Variants in KIF5C observed in about 807,000 individuals in gnomAD.
The protein encoded by KIF5C is kinesin heavy chain isoform 5C.
In KIF5C, 18 loss-of-function variants were observed where a neutral mutation model predicts 125.2. The observed-to-expected ratio is 0.14, with a 90% CI of 0.10 to 0.21. The LOEUF is 0.21. Ranked by LOEUF, KIF5C falls within the 10% of genes least tolerant of loss-of-function variation. The probability of loss-of-function intolerance (pLI) is 1.00; values close to 1 mark genes in which losing one functional copy is unlikely to be tolerated. For missense variants in KIF5C, 780 were observed against 1,183.8 expected (o/e 0.66, Z 5.01); for synonymous variants, 405 against 434.0 (o/e 0.93, Z 0.83).
chr2:148,922,091 A>G, intron 1 of KIF5C, 46 bp from the exon 2 acceptor site: 1 of 1,311,824 alleles, frequency 7.6e-7, no homozygotes, highest in Non-Finnish European at 1.1e-6. Context: ...CTAAACATCT[A>G]ATGTGTTTTT....
At chr2:148,941,512 T>C (rs1682405422) in intron 4 of KIF5C, 98 bp from the exon 5 acceptor site, 4 of 1,475,212 alleles carry the variant, frequency 2.7e-6, no homozygotes, top group Non-Finnish European at 3.7e-6. Flanking sequence ...CTTACTCTTC[T>C]TAGCCATGCA....
chr2:148,998,125 A>C (rs1057265450), intron 18 of KIF5C: 14 of 456,310 alleles, frequency 3.1e-5, no homozygotes, highest in African/African-American at 2.6e-4. Flanking sequence ...GGAGAAGCTC[A>C]GGCTGGGCTG....
At chr2:148,885,034 G>A (rs980931227) in intron 1 of KIF5C, among the ~76,000 whole-genome samples, 4 of 148,266 alleles carry the variant, frequency 2.7e-5, no homozygotes, top group African/African-American at 7.5e-5. Flanking sequence ...GCAATGGCAC[G>A]ATCTTGGCTC....
chr2:148,885,265 C>A (rs1396042071), intron 1 of KIF5C, among the ~76,000 whole-genome samples: 1 of 152,170 alleles, frequency 6.6e-6, no homozygotes, highest in Non-Finnish European at 1.5e-5. Flanking sequence ...GGATTATAGG[C>A]GTGAGCCACC....
rs370578696 is a variant in KIF5C, at chr2:148,997,332, G to A, written c.2092G>A (p.Glu698Lys). 8.1e-5 allele frequency: 131 copies of A among 1,613,898 alleles called. No individual in the cohort carries two copies. Among genetic ancestry groups the A allele is most frequent in the Non-Finnish European group, 1.0e-4 (121 of 1,179,886 alleles). The change falls in exon 18 of 26, where the codon GAA becomes AAA. Residue 698 changes from glutamate (E) to lysine (K), a missense_variant. Glu to Lys is a moderately conservative substitution (Grantham distance 56). Around this residue, in one of 2 missense-constraint regions of KIF5C, gnomAD observed 573 missense variants for 742.6 expected, o/e 0.77. Coordinates refer to ENST00000435030, the MANE Select transcript of KIF5C (RefSeq NM_004522.3). Reference sequence around the variant, plus strand: ...TCTGACGCGGTTGCAGGATGCTGAAGAAATGAAGGTGTGTGTGGCTGCCCC... The same window carrying A: ...TCTGACGCGGTTGCAGGATGCTGAAAAAATGAAGGTGTGTGTGGCTGCCCC... ...EHLTRLQDAE[E>K]MKKALEQQME...
Position 148,920,679 on chromosome 2 carries a change from A to G in KIF5C, c.127-1458A>G, listed in dbSNP as rs560311951. Among the ~76,000 whole-genome samples, 7 of 152,344 alleles carry G rather than the reference A, an allele frequency of 4.6e-5. No homozygotes were observed. In the East Asian group the frequency reaches 1.2e-3, roughly 25 times the overall value. ...AGTAAAGCTTAAGGGCTAGGATTTT[A>G]TCTCCAGTTCAGCTCTACCCAAGTA... is the stretch of plus-strand genomic sequence containing the variant. On this transcript the variant is annotated intron_variant, in intron 1 of 25. Transcript: ENST00000435030.
At chr2:148,984,895 A>G (rs112688262) in intron 15 of KIF5C, among the ~76,000 whole-genome samples, 1,847 of 152,266 alleles carry the variant, frequency 0.012, 37 homozygotes, top group African/African-American at 0.041. Context: ...GGTTCAACCA[A>G]TTCATGTGCC....
chr2:148,957,194 G>A (rs1297162523), intron 10 of KIF5C, among the ~76,000 whole-genome samples: 1 of 152,168 alleles, frequency 6.6e-6, no homozygotes, highest in East Asian at 1.9e-4. Context: ...GCACACGTGT[G>A]GGCCTGTGCC....
chr2:148,933,984 C>A (rs1020564469), intron 3 of KIF5C, among the ~76,000 whole-genome samples: 2 of 151,612 alleles, frequency 1.3e-5, no homozygotes, highest in African/African-American at 4.8e-5. Context: ...CCACATACCA[C>A]ACACCCTTCC....
intron 19 of KIF5C, 59 bp from the exon 20 acceptor site, chr2:149,000,364 C>G (rs1302706111): frequency 6.5e-7 from 1 of 1,532,122 alleles, no homozygotes; most frequent in Non-Finnish European, 8.8e-7. Flanking sequence ...CGGTTTTAGC[C>G]TGATGACTCA....
intron 12 of KIF5C, among the ~76,000 whole-genome samples, chr2:148,977,592 A>G (rs1010312352): frequency 6.6e-6 from 1 of 152,184 alleles, no homozygotes; most frequent in Non-Finnish European, 1.5e-5. Flanking sequence ...ATTCTGGTAT[A>G]ATTTCCCTAA....
intron 1 of KIF5C, among the ~76,000 whole-genome samples, chr2:148,892,196 C>T (rs139343664): frequency 7.2e-4 from 110 of 152,310 alleles, no homozygotes; most frequent in African/African-American, 2.4e-3. Context: ...AATTTTGGTT[C>T]ATACCAGGAA....
At chr2:148,967,207 C>T (rs1680755391) in intron 11 of KIF5C, among the ~76,000 whole-genome samples, 1 of 152,196 alleles carries the variant, frequency 6.6e-6, no homozygotes, top group Admixed American at 6.5e-5. Flanking sequence ...GGTTCCGTTC[C>T]CCAGGGTGCT....
chr2:148,987,584 A>C (rs1681413213), intron 15 of KIF5C, among the ~76,000 whole-genome samples: 1 of 152,194 alleles, frequency 6.6e-6, no homozygotes. Flanking sequence ...GTGTATGACC[A>C]GGCGTTTCCA....
intron 24 of KIF5C, among the ~76,000 whole-genome samples, chr2:149,011,003 C>CTT (rs11400596): frequency 4.1e-5 from 6 of 145,792 alleles, no homozygotes; most frequent in African/African-American, 7.5e-5. Context: ...GCTTCTTCTC[C>CTT]TTTTTTTTTT....
chr2:148,884,887 G>A (rs1681467956), intron 1 of KIF5C, among the ~76,000 whole-genome samples: 1 of 151,852 alleles, frequency 6.6e-6, no homozygotes, highest in South Asian at 2.1e-4. Context: ...AGAGTCAGGT[G>A]TGGTGGTAGA....
chr2:148,888,110 T>C (rs1487512059), intron 1 of KIF5C, among the ~76,000 whole-genome samples: 1 of 152,174 alleles, frequency 6.6e-6, no homozygotes, highest in African/African-American at 2.4e-5. Context: ...GCGCCTGGTC[T>C]CTGAGAGGTG....
chr2:148,929,342 C>T lies in KIF5C; in HGVS notation c.279C>T (p.Thr93=), dbSNP rs576629281. The stretch of plus-strand genomic sequence containing the variant: ...ATGGGCAGACTTCATCAGGAAAAAC[C>T]CACACCATGGAGGTAAGATTACAAT... ...FAYGQTSSGK[T]HTMEGKLHDP... Residue 93 remains threonine, a synonymous_variant, in exon 3 of 26, where the codon ACC becomes ACT. Transcript: ENST00000435030. 11 of 1,533,096 alleles carry T rather than the reference C, an allele frequency of 7.2e-6. No individual in the cohort carries two copies. The South Asian group carries it at 1.2e-4, about 17-fold the overall frequency. The allele number at this position is 1,533,096 out of a possible 1,614,324, so 95.0% of individuals were successfully genotyped here.
At position 149,008,082 on chromosome 2, in the gene KIF5C, C is replaced by T. The variant is rs561298749; in HGVS notation, c.2550+15C>T. ...TTCACAAGCAGGTAGGAGAGTTCTGCCCGCTCCCCTCTGATTCCCTCCTCT... is the reference window on the plus strand; with the variant it reads ...TTCACAAGCAGGTAGGAGAGTTCTGTCCGCTCCCCTCTGATTCCCTCCTCT... On this transcript the variant is annotated intron_variant, in intron 23 of 25. Transcript: ENST00000435030. The T allele has an allele frequency of 4.2e-4, 680 of 1,601,888 alleles. 10 individuals carry two copies. In the South Asian group the frequency reaches 7.3e-3, roughly 17 times the overall value.
Sources: allele counts gnomAD v4.1 joint callset (sites outside exome capture counted in the v4.1 genomes callset), GRCh38; gene constraint gnomAD v4.1.1; regional missense constraint gnomAD v4.1.1; transcripts MANE v1.5; gene names NCBI Gene and HGNC (gene_info 2026-07-23, HGNC 2026-07-21).